The following LATS2 variants were observed in gnomAD, a reference collection of about 807,000 sequenced individuals.
LATS2 encodes the protein serine/threonine-protein kinase LATS2.
In LATS2, 24 loss-of-function variants were observed where a neutral mutation model predicts 76.0. The observed-to-expected ratio is 0.32, with a 90% CI of 0.23 to 0.44. The LOEUF (loss-of-function observed/expected upper bound fraction) is 0.44, where lower values mean the gene tolerates loss of function less well. LATS2 is among the 20% of genes least tolerant of loss of function. The probability of loss-of-function intolerance (pLI) is 1.00; values close to 1 mark genes in which losing one functional copy is unlikely to be tolerated. For synonymous variants in LATS2, 692 were observed against 635.4 expected, an observed-to-expected ratio of 1.09 and a Z score of -1.34; for missense variants, 1,286 against 1,481.2, an observed-to-expected ratio of 0.87 and a Z score of 2.16.
At chr13:21,060,899 T>C (rs1873617757) in intron 1 of LATS2, among the ~76,000 whole-genome samples, 1 of 150,424 alleles carries the variant, frequency 6.6e-6, no homozygotes, top group African/African-American at 2.4e-5. Flanking sequence ...GGGCGTCTAG[T>C]GAAAAGCCGA....
In LATS2 at chr13:21,015,731, ACT is replaced by A. The variant is rs775817720; in HGVS notation, c.343-24329_343-24328del. Among the ~76,000 whole-genome samples, 164 of 152,142 alleles carry A rather than the reference ACT, an allele frequency of 1.1e-3. 1 individual carries two copies. Among genetic ancestry groups the A allele is most frequent in the Middle Eastern group, 0.01 (3 of 294 alleles). ...TTATTTATTTTTGAGACGGAGTCTC[ACT>A]CTGTCACCCAGGCTGGAGTGCAATG... On this transcript the variant is annotated intron_variant, in intron 2 of 7. Transcript: ENST00000382592.
At chr13:21,046,850 T>TCC (rs1873092028) in intron 1 of LATS2, among the ~76,000 whole-genome samples, 2 of 152,268 alleles carry the variant, frequency 1.3e-5, no homozygotes, top group African/African-American at 4.8e-5. Flanking sequence ...GGTAACTACT[T>TCC]CCTTTGTTTT....
chr13:21,024,674 G>T (rs1872234970), intron 2 of LATS2, among the ~76,000 whole-genome samples: 3 of 120,816 alleles, frequency 2.5e-5, no homozygotes, highest in African/African-American at 3.3e-5. Context: ...ATTTTCCATT[G>T]TCTTATACCC....
intron 2 of LATS2, among the ~76,000 whole-genome samples, chr13:21,012,849 G>A (rs921982246): frequency 9.9e-5 from 15 of 152,046 alleles, no homozygotes; most frequent in Non-Finnish European, 1.6e-4. Flanking sequence ...ACAAACTGAG[G>A]CTAAAATAGA....
In LATS2 at chr13:21,030,312, G is replaced by A. The variant is rs184529778; in HGVS notation, c.342+15373C>T. On this transcript the variant is annotated intron_variant, in intron 2 of 7. Coordinates refer to ENST00000382592, the MANE Select transcript of LATS2 (RefSeq NM_014572.3). ...CACTAGAAAAGGAACTCTGCTGGCC[G>A]GGCGTGGTGGCTCACACCTGTAATC... Among the ~76,000 whole-genome samples, 300 of 151,846 alleles carry A rather than the reference G, an allele frequency of 2.0e-3. 1 individual carries two copies. Among genetic ancestry groups the A allele is most frequent in the African/African-American group, 6.6e-3 (274 of 41,444 alleles).
At chr13:21,014,395 G>A (rs1871717127) in intron 2 of LATS2, among the ~76,000 whole-genome samples, 1 of 152,138 alleles carries the variant, frequency 6.6e-6, no homozygotes, top group Non-Finnish European at 1.5e-5. Context: ...ACAAACCAAA[G>A]GACCCACTCC....
Position 20,988,934 on chromosome 13 carries a change from C to T in LATS2, c.846G>A (p.Glu282=). ...TGGGCAGGCTGGCGTAACCCCCGGT[C>T]TCCGGCGGCGTCTTGCTCTGGAAGG... ...SPSFQSKTPP[E]TGGYASLPTK... is the part of the protein sequence containing the mutation. Residue 282 remains glutamate, a synonymous_variant, in exon 4 of 8, where the codon GAG becomes GAA. Coordinates refer to ENST00000382592, the MANE Select transcript of LATS2 (RefSeq NM_014572.3). 3 of 1,525,904 alleles carry T rather than the reference C, an allele frequency of 2.0e-6. No individual in the cohort carries two copies. Among genetic ancestry groups the T allele is most frequent in the Non-Finnish European group, 2.6e-6 (3 of 1,140,284 alleles). 94.5% of individuals were successfully genotyped at this position (1,525,904 alleles called of 1,614,324 possible). A position where few individuals can be genotyped will look rare whatever the true frequency, so the allele number is the denominator to read the frequency against.
At chr13:20,999,428 G>C (rs1444687716) in intron 2 of LATS2, among the ~76,000 whole-genome samples, 3 of 152,140 alleles carry the variant, frequency 2.0e-5, no homozygotes, top group African/African-American at 7.2e-5. Context: ...GCTAATCTCT[G>C]TATCGTTCCA....
chr13:21,038,991 AC>A (rs1872777046), intron 2 of LATS2, among the ~76,000 whole-genome samples: 1 of 152,148 alleles, frequency 6.6e-6, no homozygotes, highest in African/African-American at 2.4e-5. Flanking sequence ...GAAAACAAAA[AC>A]AAAAACTAGG....
chr13:20,999,246 C>A (rs1045376678), intron 2 of LATS2, among the ~76,000 whole-genome samples: 2 of 152,366 alleles, frequency 1.3e-5, no homozygotes, highest in East Asian at 3.9e-4. Context: ...CAGCCGTGGC[C>A]GCCTCCGACC....
chr13:20,983,746 T>C lies in LATS2; in HGVS notation c.1960A>G (p.Asn654Asp), dbSNP rs765671499. 2.5e-6 allele frequency: 4 copies of C among 1,614,110 alleles called. No homozygotes were observed. The highest frequency in any genetic ancestry group is 3.4e-6 in the Non-Finnish European group (4 of 1,180,018). ...MRKILYQKES[N>D]YNRLKRAKMD... Reference sequence around the variant, plus strand: ...TTGGCCCTCTTTAACCTGTTGTAATTAGACTCTTTCTGGTAGAGGATCTTC... The same window carrying C: ...TTGGCCCTCTTTAACCTGTTGTAATCAGACTCTTTCTGGTAGAGGATCTTC... Residue 654 changes from asparagine (N) to aspartate (D), a missense_variant, in exon 5 of 8, where the codon AAT becomes GAT. Physicochemically the swap from Asn to Asp is conservative, Grantham distance 23. Coordinates refer to ENST00000382592, the MANE Select transcript of LATS2 (RefSeq NM_014572.3).
intron 2 of LATS2, among the ~76,000 whole-genome samples, chr13:21,028,575 A>C (rs993830063): frequency 2.0e-5 from 3 of 152,106 alleles, no homozygotes; most frequent in Admixed American, 1.3e-4. Context: ...ATGAAACTGC[A>C]TCTTAAATTT....
chr13:21,010,645 T>G (rs1423075785), intron 2 of LATS2, among the ~76,000 whole-genome samples: 1 of 152,226 alleles, frequency 6.6e-6, no homozygotes, highest in East Asian at 1.9e-4. Context: ...TCCCTCAAGA[T>G]GAATCCTGAG....
rs1156287089 is a variant in LATS2, at chr13:20,988,477, C to T, written c.1303G>A (p.Val435Ile). ...GGGTGCAAGATGTGCGCGGCCGTGA[C>T]AGCCGTCACGGTGTTGGGGGCGGGC... Reference protein sequence around the residue: ...SLPAPNTVTAVTAAHILHPVK... With the variant: ...SLPAPNTVTAITAAHILHPVK... Residue 435 changes from valine (V) to isoleucine (I), a missense_variant, in exon 4 of 8, where the codon GTC (valine) becomes ATC (isoleucine). Physicochemically the swap from Val to Ile is conservative, Grantham distance 29. Coordinates refer to ENST00000382592, the MANE Select transcript of LATS2 (RefSeq NM_014572.3). The T allele has an allele frequency of 5.8e-6, 9 of 1,542,644 alleles. No individual in the cohort carries two copies. Among genetic ancestry groups the T allele is most frequent in the South Asian group, 2.4e-5 (2 of 84,836 alleles).
At chr13:21,013,718 C>T (rs1871686856) in intron 2 of LATS2, among the ~76,000 whole-genome samples, 1 of 152,190 alleles carries the variant, frequency 6.6e-6, no homozygotes, top group African/African-American at 2.4e-5. Flanking sequence ...GCAATCCCAG[C>T]ACTTAAGGAG....
At chr13:21,015,804 A>C (rs1400126178) in intron 2 of LATS2, among the ~76,000 whole-genome samples, 1 of 151,890 alleles carries the variant, frequency 6.6e-6, no homozygotes, top group Admixed American at 6.6e-5. Flanking sequence ...GGTTCAAGCG[A>C]TTCTCTCGTC....
At chr13:21,050,125 C>CAGACAGACAGACAGATAGAT (rs71306170) in intron 1 of LATS2, among the ~76,000 whole-genome samples, 1 of 69,806 alleles carries the variant, frequency 1.4e-5, no homozygotes, top group Non-Finnish European at 3.2e-5. Flanking sequence ...GTCTCATAGA[C>CAGACAGACAGACAGATAGAT]AGATAGATAG....
At chr13:21,053,584 G>C (rs1015294312) in intron 1 of LATS2, among the ~76,000 whole-genome samples, 1 of 152,144 alleles carries the variant, frequency 6.6e-6, no homozygotes, top group African/African-American at 2.4e-5. Flanking sequence ...AAGCCTGCCA[G>C]TGCCACCCCA....
intron 2 of LATS2, among the ~76,000 whole-genome samples, chr13:21,042,476 C>G (rs549526130): frequency 2.0e-4 from 30 of 152,088 alleles, no homozygotes; most frequent in Non-Finnish European, 4.0e-4. Context: ...CCGCTTGAGT[C>G]TGGAAGTTCC....
Sources: allele counts gnomAD v4.1 joint callset (sites outside exome capture counted in the v4.1 genomes callset), GRCh38; gene constraint gnomAD v4.1.1; transcripts MANE v1.5; gene names NCBI Gene and HGNC (gene_info 2026-07-23, HGNC 2026-07-21).